Variants in PRSS22 observed in about 807,000 individuals in gnomAD.
PRSS22 encodes the protein serine protease 22.
In PRSS22, 26 loss-of-function variants were observed where a neutral mutation model predicts 28.0. The ratio of observed to expected loss-of-function variants is 0.93; its 90% confidence interval spans 0.68 to 1.29. The LOEUF is 1.29. Ranked by LOEUF, PRSS22 falls within the 50% of genes most tolerant of loss-of-function variation. The probability of loss-of-function intolerance (pLI) is 0.00; values close to 1 mark genes in which losing one functional copy is unlikely to be tolerated. For synonymous variants in PRSS22, 217 were observed against 177.9 expected (o/e 1.22, Z -1.75); for missense variants, 444 against 422.1 (o/e 1.05, Z -0.46).
In PRSS22 at chr16:2,855,347, C is replaced by CAAAAAAAAAA. The variant is rs33950878; in HGVS notation, c.559+217_559+226dup. Among the ~76,000 whole-genome samples the CAAAAAAAAAA allele has an allele frequency of 4.9e-3, 341 of 68,980 alleles. 22 individuals are homozygous for CAAAAAAAAAA. Among genetic ancestry groups the CAAAAAAAAAA allele is most frequent in the African/African-American group, 0.014 (225 of 15,812 alleles). The allele number at this position is 68,980 out of a possible 152,430, so 45.3% of individuals were successfully genotyped here. A position where few individuals can be genotyped will look rare whatever the true frequency, so the allele number is the denominator to read the frequency against. On this transcript the variant is annotated intron_variant, in intron 4 of 5. Transcript: ENST00000161006. ...TGGGTGACAGAGTAACACCCTGTCT[C>CAAAAAAAAAA]AAAAAAAAAAAAAAAAAAAAGAAGA...
At chr16:2,856,947 G>C in intron 1 of PRSS22, 99 bp from the exon 2 acceptor site, 1 of 1,362,860 alleles carries the variant, frequency 7.3e-7, no homozygotes, top group Non-Finnish European at 1.0e-6. Flanking sequence ...CCAACACCCA[G>C]TAAGAAGGGA....
chr16:2,856,074 G>A lies in PRSS22; in HGVS notation c.281+8C>T. Reference sequence around the variant, plus strand: ...GAAGATCAAGTGCCCCAGGCCGGCTGTACATACTCCTTGAAACAGTGGGCA... The same window carrying A: ...GAAGATCAAGTGCCCCAGGCCGGCTATACATACTCCTTGAAACAGTGGGCA... On this transcript the variant is annotated splice_region_variant and intron_variant, in intron 3 of 5. Transcript: ENST00000161006. 1.2e-6 allele frequency: 2 copies of A among 1,613,418 alleles called. No homozygotes were observed. The highest frequency in any genetic ancestry group is 1.7e-5 in the Admixed American group (1 of 60,000).
intron 4 of PRSS22, among the ~76,000 whole-genome samples, chr16:2,855,364 A>G (rs1440852590): frequency 6.7e-6 from 1 of 148,882 alleles, no homozygotes; most frequent in African/African-American, 2.5e-5. Flanking sequence ...AAAAAAAAAA[A>G]AAAGAAGAAG....
intron 3 of PRSS22, 34 bp downstream of exon 3, chr16:2,856,048 A>G: frequency 1.2e-6 from 2 of 1,606,734 alleles, no homozygotes; most frequent in Non-Finnish European, 1.7e-6. Context: ...CCAGGGCCTT[A>G]GAAGATCAAG....
chr16:2,855,555 G>A lies in PRSS22; in HGVS notation c.559+19C>T, dbSNP rs1319769883. 1.9e-6 allele frequency: 3 copies of A among 1,613,382 alleles called. No homozygotes were observed. Among genetic ancestry groups the A allele is most frequent in the Admixed American group, 1.7e-5 (1 of 59,988 alleles). On this transcript the variant is annotated intron_variant, in intron 4 of 5. Coordinates refer to ENST00000161006, the MANE Select transcript of PRSS22 (RefSeq NM_022119.4). The stretch of plus-strand genomic sequence containing the variant: ...GTCCCCATCTGCCCCCAACCACCTT[G>A]GAGAGGAAGAAGCCGCACCTCCATC...
At position 2,854,031 on chromosome 16, in the gene PRSS22, A is replaced by T. The variant is rs2069432441; in HGVS notation, c.560-9T>A. The T allele has an allele frequency of 6.2e-7, 1 of 1,614,050 alleles. No individual in the cohort carries two copies. The highest frequency in any genetic ancestry group is 2.2e-5 in the East Asian group (1 of 44,880). On this transcript the variant is annotated splice_polypyrimidine_tract_variant and intron_variant, in intron 4 of 5. Coordinates refer to ENST00000161006, the MANE Select transcript of PRSS22 (RefSeq NM_022119.4). ...AGGGTGGGGCAAGGGAACTGGGAGG[A>T]AAGAGGACAGAATCAGGTTTGGGGG...
chr16:2,854,255 A>C, intron 4 of PRSS22: 2 of 504,964 alleles, frequency 4.0e-6, no homozygotes, highest in South Asian at 2.9e-5. Context: ...CTCTTTAATA[A>C]ATTTTCTTAT....
In PRSS22 at chr16:2,853,332, G is replaced by A. The variant is rs1215429700; in HGVS notation, c.718-3C>T. 1.3e-6 allele frequency: 2 copies of A among 1,592,698 alleles called. No homozygotes were observed. Among genetic ancestry groups the A allele is most frequent in the South Asian group, 2.2e-5 (2 of 90,352 alleles). ...ATGAGGGGGCCCCCGGAGTCGCCCT[G>A]CAGAGAGGAGGCGAGGTTAGGAACC... On this transcript the variant is annotated splice_polypyrimidine_tract_variant and splice_region_variant and intron_variant, in intron 5 of 5. Coordinates refer to ENST00000161006, the MANE Select transcript of PRSS22 (RefSeq NM_022119.4). The surrounding 1 kb of genome is among the most constrained non-coding windows in gnomAD (Gnocchi z 4.6).
intron 2 of PRSS22, 133 bp downstream of exon 2, chr16:2,856,689 C>A: frequency 9.6e-7 from 1 of 1,043,260 alleles, no homozygotes; most frequent in South Asian, 1.4e-5. Context: ...TCCTGCCTCC[C>A]TTCCCCTCTA....
chr16:2,853,320 C>T lies in PRSS22; in HGVS notation c.727G>A (p.Gly243Arg), dbSNP rs775626303. 2.5e-6 allele frequency: 4 copies of T among 1,596,028 alleles called. No homozygotes were observed. In the Admixed American group the frequency reaches 6.7e-5, roughly 27 times the overall value. ...GERDACLGDS[G>R]GPLMCQVDGA... ...TCCACCTGGCACATGAGGGGGCCCC[C>T]GGAGTCGCCCTGCAGAGAGGAGGCG... The change falls in exon 6 of 6, where the codon GGG becomes AGG. Residue 243 changes from glycine to arginine, a missense_variant. Gly to Arg is a moderately radical substitution (Grantham distance 125). Transcript: ENST00000161006. This position sits in a 1 kb window ranked among gnomAD's most constrained non-coding sequence, Gnocchi z 4.6.
Position 2,855,842 on chromosome 16 carries a change from G to A in PRSS22, c.291C>T (p.Asn97=), listed in dbSNP as rs751871805. 5.6e-6 allele frequency: 9 copies of A among 1,611,766 alleles called. No homozygotes were observed. Among genetic ancestry groups the A allele is most frequent in the Middle Eastern group, 1.7e-4 (1 of 6,060 alleles). ...GCAGCACAGAGAACAGGTATGGTTT[G>A]TTCAGGTTGCTGGAAGGAAAGGGAA... ...TAAHCFKDNL[N]KPYLFSVLLG... The change falls in exon 4 of 6, where the codon AAC becomes AAT. Residue 97 remains asparagine, a synonymous_variant. Coordinates refer to ENST00000161006, the MANE Select transcript of PRSS22 (RefSeq NM_022119.4).
intron 1 of PRSS22, 154 bp downstream of exon 1, chr16:2,857,869 C>T (rs2069477638): frequency 2.0e-6 from 1 of 511,822 alleles, no homozygotes; most frequent in East Asian, 3.5e-5. Context: ...GTAGAAGAAA[C>T]CGAGGCACAG....
chr16:2,853,723 T>A lies in PRSS22; in HGVS notation c.717+142A>T, dbSNP rs1464398996. 1 of 899,098 alleles carries A rather than the reference T, an allele frequency of 1.1e-6. No individual in the cohort carries two copies. Among genetic ancestry groups the A allele is most frequent in the Non-Finnish European group, 1.7e-6 (1 of 603,012 alleles). 55.7% of individuals were successfully genotyped at this position (899,098 alleles called of 1,614,324 possible). Reference sequence around the variant, plus strand: ...GGCTGAGCCAGGCTGAGGCTGGTTCTATGGGGACCCGGGACTGTCAGGCAC... The same window carrying A: ...GGCTGAGCCAGGCTGAGGCTGGTTCAATGGGGACCCGGGACTGTCAGGCAC... On this transcript the variant is annotated intron_variant, in intron 5 of 5. Coordinates refer to ENST00000161006, the MANE Select transcript of PRSS22 (RefSeq NM_022119.4). This position sits in a 1 kb window ranked among gnomAD's most constrained non-coding sequence, Gnocchi z 4.6.
At position 2,853,289 on chromosome 16, in the gene PRSS22, G is replaced by A. The variant is rs766805727; in HGVS notation, c.758C>T (p.Ala253Val). ...GGPLMCQVDG[A>V]WLLAGIISWG... ...GCTGATGATGCCGGCCAGCAGCCAG[G>A]CGCCGTCCACCTGGCACATGAGGGG... The change falls in exon 6 of 6, where the codon GCC (alanine) becomes GTC (valine). Residue 253 changes from alanine (A) to valine (V), a missense_variant. By Grantham distance (64) the Ala-to-Val change is moderately conservative. Transcript: ENST00000161006. The surrounding 1 kb of genome is among the most constrained non-coding windows in gnomAD (Gnocchi z 4.6). The A allele has an allele frequency of 6.3e-7, 1 of 1,599,494 alleles. No homozygotes were observed. The highest frequency in any genetic ancestry group is 2.2e-5 in the East Asian group (1 of 44,852).
Position 2,853,290 on chromosome 16 carries a change from C to A in PRSS22, c.757G>T (p.Ala253Ser). The A allele has an allele frequency of 6.3e-7, 1 of 1,599,266 alleles. No homozygotes were observed. Among genetic ancestry groups the A allele is most frequent in the South Asian group, 1.1e-5 (1 of 90,918 alleles). ...CTGATGATGCCGGCCAGCAGCCAGG[C>A]GCCGTCCACCTGGCACATGAGGGGG... Reference protein sequence around the residue: ...GGPLMCQVDGAWLLAGIISWG... With the variant: ...GGPLMCQVDGSWLLAGIISWG... The change falls in exon 6 of 6, where the codon GCC becomes TCC. Residue 253 changes from alanine to serine, a missense_variant. Coordinates refer to ENST00000161006, the MANE Select transcript of PRSS22 (RefSeq NM_022119.4). This position sits in a 1 kb window ranked among gnomAD's most constrained non-coding sequence, Gnocchi z 4.6.
intron 2 of PRSS22, 149 bp from the exon 3 acceptor site, chr16:2,856,402 A>T: frequency 2.5e-6 from 2 of 812,274 alleles, no homozygotes; most frequent in East Asian, 5.4e-5. Flanking sequence ...TTTCACTTGC[A>T]CTCCAAGCTC....
Position 2,853,167 on chromosome 16 carries a change from G to C in PRSS22, c.880C>G (p.Leu294Val). The C allele has an allele frequency of 6.3e-7, 1 of 1,599,148 alleles. No individual in the cohort carries two copies. Among genetic ancestry groups the C allele is most frequent in the African/African-American group, 1.3e-5 (1 of 75,000 alleles). The change falls in exon 6 of 6, where the codon CTC becomes GTC. Residue 294 changes from leucine (L) to valine (V), a missense_variant. Coordinates refer to ENST00000161006, the MANE Select transcript of PRSS22 (RefSeq NM_022119.4). This position sits in a 1 kb window ranked among gnomAD's most constrained non-coding sequence, Gnocchi z 4.6. ...CCACCCCCCTGAGCGCGCCCGCGGA[G>C]CTGCACCCCTTGCACGATCTTCTCC... The part of the protein sequence containing the change: ...WVEKIVQGVQ[L>V]RGRAQGGGAL...
intron 4 of PRSS22, 58 bp from the exon 5 acceptor site, chr16:2,854,080 A>C (rs748613604): frequency 2.0e-5 from 32 of 1,589,012 alleles, no homozygotes; most frequent in Middle Eastern, 1.7e-4. Flanking sequence ...TTGCCTCCTC[A>C]AAGGACTATT....
At position 2,853,917 on chromosome 16, in the gene PRSS22, G is replaced by C. The variant is rs751256081; in HGVS notation, c.665C>G (p.Thr222Ser). 6.2e-7 allele frequency: 1 copy of C among 1,614,172 alleles called. No individual in the cohort carries two copies. Among genetic ancestry groups the C allele is most frequent in the Non-Finnish European group, 8.5e-7 (1 of 1,180,034 alleles). ...YWRGAGQGPI[T>S]EDMLCAGYLE... ...GTAGCCGGCACACAGCATGTCCTCA[G>C]TGATGGGTCCCTGTCCTGCTCCCCG... The change falls in exon 5 of 6, where the codon ACT (threonine) becomes AGT (serine). Residue 222 changes from threonine (T) to serine (S), a missense_variant. Thr to Ser is a moderately conservative substitution (Grantham distance 58). Coordinates refer to ENST00000161006, the MANE Select transcript of PRSS22 (RefSeq NM_022119.4). This position sits in a 1 kb window ranked among gnomAD's most constrained non-coding sequence, Gnocchi z 4.6.
Sources: allele counts gnomAD v4.1 joint callset (sites outside exome capture counted in the v4.1 genomes callset), GRCh38; gene constraint gnomAD v4.1.1; non-coding constraint Gnocchi (gnomAD v3.1); transcripts MANE v1.5; gene names NCBI Gene and HGNC (gene_info 2026-07-23, HGNC 2026-07-21).